Variants in RIMS1 observed in about 807,000 individuals in gnomAD.
RIMS1 encodes the protein regulating synaptic membrane exocytosis 1, also known as regulating synaptic membrane exocytosis protein 1.
In RIMS1, 83 loss-of-function variants were observed where a neutral mutation model predicts 214.1. That is an observed-to-expected ratio of 0.39 (90% CI 0.32 to 0.47). The LOEUF is 0.47. Ranked by LOEUF, RIMS1 falls within the 20% of genes least tolerant of loss-of-function variation. RIMS1 has a pLI of 0.99. For missense variants in RIMS1, 2,050 were observed against 2,161.8 expected (o/e 0.95, Z 1.03); for synonymous variants, 793 against 786.8 (o/e 1.01, Z -0.13).
At chr6:72,280,947 A>C (rs2089818601) in intron 23 of RIMS1, among the ~76,000 whole-genome samples, 1 of 152,132 alleles carries the variant, frequency 6.6e-6, no homozygotes, top group Admixed American at 6.5e-5. Flanking sequence ...AAATTAGCAA[A>C]ACCTGTGTGT....
intron 4 of RIMS1, among the ~76,000 whole-genome samples, chr6:72,134,779 A>G (rs1213430366): frequency 6.6e-6 from 1 of 152,124 alleles, no homozygotes; most frequent in African/African-American, 2.4e-5. Flanking sequence ...TCAATAATTA[A>G]GTTCTAAAAA....
At chr6:72,353,537 C>T (rs2097534414) in intron 29 of RIMS1, among the ~76,000 whole-genome samples, 1 of 152,156 alleles carries the variant, frequency 6.6e-6, no homozygotes, top group African/African-American at 2.4e-5. Flanking sequence ...CATTTCCTTG[C>T]TTTATAAAAC....
chr6:72,004,142 A>G (rs1806454610), intron 2 of RIMS1, among the ~76,000 whole-genome samples: 1 of 151,100 alleles, frequency 6.6e-6, no homozygotes, highest in Non-Finnish European at 1.5e-5. Flanking sequence ...TCCTTGTGAT[A>G]GTTTACTGAG....
intron 6 of RIMS1, among the ~76,000 whole-genome samples, chr6:72,188,493 G>T (rs1250790768): frequency 6.6e-6 from 1 of 151,230 alleles, no homozygotes; most frequent in Non-Finnish European, 1.5e-5. Flanking sequence ...ATAAGATGAA[G>T]ATATTTTCTT....
At chr6:72,245,634 GT>G (rs533970120) in intron 10 of RIMS1, among the ~76,000 whole-genome samples, 180 bp from the exon 11 acceptor site, 2 of 151,744 alleles carry the variant, frequency 1.3e-5, no homozygotes, top group East Asian at 3.9e-4. Flanking sequence ...TTTTATTGCA[GT>G]TTTTTTTGTG....
intron 2 of RIMS1, among the ~76,000 whole-genome samples, chr6:72,038,025 A>C (rs955516366): frequency 7.1e-6 from 1 of 141,082 alleles, no homozygotes; most frequent in South Asian, 2.3e-4. Context: ...CTAACCTATG[A>C]TCCCAGCCTC....
intron 6 of RIMS1, among the ~76,000 whole-genome samples, chr6:72,199,241 A>T (rs558803344): frequency 3.0e-4 from 46 of 152,110 alleles, no homozygotes; most frequent in Non-Finnish European, 4.7e-4. Context: ...TTGATAAAAA[A>T]TAAACTTAAA....
chr6:72,277,117 A>T (rs2086858437), intron 23 of RIMS1, among the ~76,000 whole-genome samples: 1 of 152,214 alleles, frequency 6.6e-6, no homozygotes, highest in African/African-American at 2.4e-5. Context: ...ACATTCAAAT[A>T]AATTGAAAAG....
intron 7 of RIMS1, among the ~76,000 whole-genome samples, chr6:72,234,417 T>C (rs2063238782): frequency 6.6e-6 from 1 of 151,986 alleles, no homozygotes; most frequent in African/African-American, 2.4e-5. Context: ...TTCGAGCAGT[T>C]TTAAGTTTAC....
intron 3 of RIMS1, among the ~76,000 whole-genome samples, chr6:72,098,928 G>C (rs12198121): frequency 9.2e-5 from 14 of 152,254 alleles, no homozygotes; most frequent in African/African-American, 2.9e-4. Flanking sequence ...AAGTACATAA[G>C]ATCTATTTGT....
At chr6:72,197,841 C>G (rs1030358040) in intron 6 of RIMS1, among the ~76,000 whole-genome samples, 3 of 151,882 alleles carry the variant, frequency 2.0e-5, no homozygotes, top group Non-Finnish European at 4.4e-5. Flanking sequence ...AAGATGAGTA[C>G]AAAGATTATA....
chr6:71,931,874 G>A (rs752609733), intron 1 of RIMS1, among the ~76,000 whole-genome samples: 1 of 151,864 alleles, frequency 6.6e-6, no homozygotes, highest in African/African-American at 2.4e-5. Context: ...ATTAAAAAAA[G>A]CTTTAACATC....
chr6:72,145,781 G>C (rs184951053), intron 4 of RIMS1, among the ~76,000 whole-genome samples: 15 of 152,176 alleles, frequency 9.9e-5, no homozygotes, highest in Admixed American at 7.8e-4. Context: ...TCAAAGCTTT[G>C]GCAAAAACAA....
At chr6:72,159,360 C>T (rs4543328) in intron 4 of RIMS1, among the ~76,000 whole-genome samples, 122,555 of 139,028 alleles carry the variant, frequency 0.88, 56,285 homozygotes, top group East Asian at 1. Context: ...TTCACTCTGA[C>T]GGTAGTTTCT....
chr6:72,034,097 G>GTTTTGA (rs1270460806), intron 2 of RIMS1, among the ~76,000 whole-genome samples: 1 of 151,978 alleles, frequency 6.6e-6, no homozygotes, highest in Non-Finnish European at 1.5e-5. Flanking sequence ...TTTGGTTTTG[G>GTTTTGA]TTTTGTGTTT....
intron 1 of RIMS1, among the ~76,000 whole-genome samples, chr6:71,893,032 A>C (rs1469795049): frequency 6.6e-6 from 1 of 152,252 alleles, no homozygotes; most frequent in East Asian, 1.9e-4. Flanking sequence ...CTTTAAAATG[A>C]TAGTGGAGTC....
intron 29 of RIMS1, among the ~76,000 whole-genome samples, chr6:72,369,398 A>G (rs577987185): frequency 1.4e-4 from 21 of 152,178 alleles, no homozygotes; most frequent in African/African-American, 5.1e-4. Flanking sequence ...TACCCAGTGA[A>G]GCAGAATCTG....
intron 29 of RIMS1, chr6:72,365,880 C>T (rs2097991765): frequency 6.6e-6 from 1 of 152,188 alleles, no homozygotes; most frequent in Non-Finnish European, 1.5e-5. Flanking sequence ...GCTTAAAGAG[C>T]TTACACACGT....
chr6:72,073,055 G>A (rs1830947281), intron 2 of RIMS1, among the ~76,000 whole-genome samples: 1 of 152,160 alleles, frequency 6.6e-6, no homozygotes, highest in Admixed American at 6.5e-5. Context: ...ACCTCTTGGG[G>A]TTTTCAGAAG....
Sources: allele counts gnomAD v4.1 joint callset (sites outside exome capture counted in the v4.1 genomes callset), GRCh38; gene constraint gnomAD v4.1.1; transcripts MANE v1.5; gene names NCBI Gene and HGNC (gene_info 2026-07-23, HGNC 2026-07-21).